Variants in THADA observed in about 807,000 individuals in gnomAD.
The protein encoded by THADA is tRNA (32-2'-O)-methyltransferase regulator THADA.
A neutral mutation model predicts 219.8 loss-of-function variants in THADA; 213 were observed. That is an observed-to-expected ratio of 0.97 (90% confidence interval 0.87 to 1.09). The LOEUF is 1.09. Ranked by LOEUF, THADA falls within the 50% of genes least tolerant of loss-of-function variation. THADA has a pLI of 0.00. For missense variants in THADA, 2,956 were observed against 2,311.3 expected, an observed-to-expected ratio of 1.28 and a Z score of -5.72; for synonymous variants, 1,018 against 828.9, an observed-to-expected ratio of 1.23 and a Z score of -3.92.
chr2:43,238,668 T>C (rs1180055663), intron 36 of THADA, among the ~76,000 whole-genome samples: 1 of 152,218 alleles, frequency 6.6e-6, no homozygotes, highest in Non-Finnish European at 1.5e-5. Flanking sequence ...TAAATGTTCA[T>C]AGCAGCCTTG....
chr2:43,552,335 G>A lies in THADA; in HGVS notation c.2679C>T (p.Ile893=). 1 of 1,586,158 alleles carries A rather than the reference G, an allele frequency of 6.3e-7. No homozygotes were observed. The highest frequency in any genetic ancestry group is 8.5e-7 in the Non-Finnish European group (1 of 1,171,222). ...CCTCAAGATTTTCCATCAAGCATTT[G>A]ATAACTAGAAAAAGCAAACAGAAAA... ...AVVERNTLMV[I]KCLMENLEEE... is the part of the protein sequence containing the mutation. Residue 893 remains isoleucine, a synonymous_variant, in exon 18 of 38, where the codon ATC becomes ATT. Coordinates refer to ENST00000405975, the MANE Select transcript of THADA (RefSeq NM_022065.5).
chr2:43,476,118 G>C (rs1245394571), intron 26 of THADA, among the ~76,000 whole-genome samples: 4 of 152,144 alleles, frequency 2.6e-5, no homozygotes, highest in Non-Finnish European at 5.9e-5. Flanking sequence ...AATTATAGTG[G>C]ATCTATTTCT....
chr2:43,595,443 C>T (rs541736844), intron 1 of THADA, among the ~76,000 whole-genome samples: 6 of 152,208 alleles, frequency 3.9e-5, no homozygotes, highest in Non-Finnish European at 7.3e-5. Context: ...AGACTATTCT[C>T]TGGTGAAAGG....
At chr2:43,346,832 T>G (rs1667677642) in intron 29 of THADA, among the ~76,000 whole-genome samples, 1 of 152,238 alleles carries the variant, frequency 6.6e-6, no homozygotes, top group South Asian at 2.1e-4. Flanking sequence ...ACAACCTGCA[T>G]GGCAGCATCG....
chr2:43,505,783 A>G, intron 23 of THADA, 48 bp from the exon 24 acceptor site: 1 of 1,331,746 alleles, frequency 7.5e-7, no homozygotes, highest in Non-Finnish European at 1.1e-6. Context: ...GTTTACATAT[A>G]CTTGTTTGCT....
rs1301397645 is a variant in THADA, at chr2:43,559,365, C to CA, written c.2463+868dup. 1.2e-4 allele frequency among the ~76,000 whole-genome samples: 19 copies of CA among 152,274 alleles called. No individual in the cohort carries two copies. The East Asian group carries it at 2.5e-3, about 20-fold the overall frequency. ...CATAGCCATCTAGAAGCCACAGAAA[C>CA]AGACACTATCCTCTCTGGCATGTGA... On this transcript the variant is annotated intron_variant, in intron 16 of 37. Transcript: ENST00000405975.
At chr2:43,492,735 T>C (rs1265572034) in intron 25 of THADA, among the ~76,000 whole-genome samples, 1 of 152,238 alleles carries the variant, frequency 6.6e-6, no homozygotes, top group Non-Finnish European at 1.5e-5. Context: ...AAGTCTATCA[T>C]CTGTAATCCA....
chr2:43,553,236 G>GTA (rs1206252535), intron 17 of THADA, among the ~76,000 whole-genome samples: 1 of 152,132 alleles, frequency 6.6e-6, no homozygotes, highest in Non-Finnish European at 1.5e-5. Flanking sequence ...TTGTTTAGAT[G>GTA]TATGTTTTCA....
rs537061403 is a variant in THADA at position 43,579,290 on chromosome 2, A to G, written c.722-683T>C. Among the ~76,000 whole-genome samples the G allele has an allele frequency of 9.5e-4, 145 of 152,304 alleles. 1 individual carries two copies. Among genetic ancestry groups the G allele is most frequent in the African/African-American group, 3.4e-3 (142 of 41,578 alleles). On this transcript the variant is annotated intron_variant, in intron 8 of 37. Transcript: ENST00000405975. ...CCCTCCACCAATGCCTCTGTATCCC[A>G]ATCACCATATACACAGACTTTTTCA... is the stretch of plus-strand genomic sequence containing the variant.
intron 29 of THADA, among the ~76,000 whole-genome samples, chr2:43,386,417 G>C (rs13422014): frequency 6.6e-6 from 1 of 150,910 alleles, no homozygotes; most frequent in African/African-American, 2.4e-5. Flanking sequence ...AATAGACAAA[G>C]AAAAACATGT....
At chr2:43,566,019 C>A (rs1286187537) in intron 15 of THADA, 1 of 154,584 alleles carries the variant, frequency 6.5e-6, no homozygotes, top group African/African-American at 2.4e-5. Context: ...ACCCAGCAGG[C>A]GGAGGTTGCA....
intron 35 of THADA, 133 bp downstream of exon 35, chr2:43,286,775 G>T: frequency 9.9e-7 from 1 of 1,008,654 alleles, no homozygotes; most frequent in Non-Finnish European, 1.4e-6. Flanking sequence ...AACTAAGACG[G>T]TAGGAATATA....
chr2:43,320,342 C>T, intron 31 of THADA, 104 bp downstream of exon 31: 1 of 768,116 alleles, frequency 1.3e-6, no homozygotes, highest in Non-Finnish European at 2.1e-6. Context: ...GTTAGTCTTA[C>T]AAAAGTAGAA....
intron 22 of THADA, among the ~76,000 whole-genome samples, chr2:43,526,390 C>T (rs1256592489): frequency 6.6e-6 from 1 of 152,170 alleles, no homozygotes; most frequent in African/African-American, 2.4e-5. Flanking sequence ...TTATTTCCTA[C>T]CAACTCCACC....
intron 26 of THADA, among the ~76,000 whole-genome samples, chr2:43,438,703 T>TC (rs1364631749): frequency 1.3e-5 from 2 of 151,922 alleles, no homozygotes; most frequent in African/African-American, 2.4e-5. Context: ...ATTACAGTAG[T>TC]CCCCCCCTTA....
intron 3 of THADA, 71 bp from the exon 4 acceptor site, chr2:43,591,025 T>C: frequency 6.9e-7 from 1 of 1,452,522 alleles, no homozygotes; most frequent in South Asian, 1.3e-5. Flanking sequence ...ACAGATACTC[T>C]TTGAAGTCTC....
intron 22 of THADA, among the ~76,000 whole-genome samples, chr2:43,515,524 G>A (rs1376743589): frequency 6.8e-6 from 1 of 146,386 alleles, no homozygotes. Flanking sequence ...AAACCATAAA[G>A]TATGTGTGTG....
At chr2:43,293,355 G>T in intron 31 of THADA, 142 bp from the exon 32 acceptor site, 1 of 933,584 alleles carries the variant, frequency 1.1e-6, no homozygotes, top group Non-Finnish European at 1.6e-6. Flanking sequence ...TCATAAGTGA[G>T]TGGCCCTCTA....
At chr2:43,448,560 C>CTTTTTTTTTTTTTTTTTTTT (rs71410179) in intron 26 of THADA, among the ~76,000 whole-genome samples, 5 of 103,628 alleles carry the variant, frequency 4.8e-5, no homozygotes, top group East Asian at 3.1e-4. Flanking sequence ...TTCTTCCTTT[C>CTTTTTTTTTTTTTTTTTTTT]TTTTTTTTTT....
Sources: allele counts gnomAD v4.1 joint callset (sites outside exome capture counted in the v4.1 genomes callset), GRCh38; gene constraint gnomAD v4.1.1; transcripts MANE v1.5; gene names NCBI Gene and HGNC (gene_info 2026-07-23, HGNC 2026-07-21).